SLC25A21: variants seen among roughly 807,000 people sequenced by gnomAD.
SLC25A21 encodes solute carrier family 25 member 21, also known as mitochondrial 2-oxodicarboxylate carrier.
SLC25A21 carries 47 observed loss-of-function variants against 43.8 expected under a neutral mutation model. That is an observed-to-expected ratio of 1.07 (90% CI 0.85 to 1.37). The LOEUF (loss-of-function observed/expected upper bound fraction) is 1.37, where lower values mean the gene tolerates loss of function less well. SLC25A21 is among the 40% of genes most tolerant of loss of function. SLC25A21 has a pLI of 0.00. For synonymous variants in SLC25A21, 131 were observed against 121.3 expected (o/e 1.08, Z -0.52); for missense variants, 352 against 350.2 (o/e 1.00, Z -0.04).
intron 1 of SLC25A21, among the ~76,000 whole-genome samples, chr14:36,918,079 T>C (rs1048945488): frequency 6.6e-6 from 1 of 152,166 alleles, no homozygotes; most frequent in Non-Finnish European, 1.5e-5. Flanking sequence ...ACACTTTATG[T>C]GACTCTGCGA....
intron 1 of SLC25A21, among the ~76,000 whole-genome samples, chr14:37,051,305 T>G (rs1377786459): frequency 6.6e-6 from 1 of 152,148 alleles, no homozygotes; most frequent in Non-Finnish European, 1.5e-5. Context: ...TGTGACAGAC[T>G]AGGGGCTTGG....
intron 1 of SLC25A21, among the ~76,000 whole-genome samples, chr14:37,099,396 A>C (rs1962773364): frequency 6.6e-6 from 1 of 152,134 alleles, no homozygotes; most frequent in African/African-American, 2.4e-5. Flanking sequence ...GCTTCTGAGT[A>C]ATTTGTACTT....
At chr14:37,164,539 G>T (rs1346688328) in intron 1 of SLC25A21, among the ~76,000 whole-genome samples, 1 of 152,088 alleles carries the variant, frequency 6.6e-6, no homozygotes, top group Non-Finnish European at 1.5e-5. Context: ...TTTTGCAAAA[G>T]AATTTTCCTT....
chr14:36,689,864 C>T (rs1180820881), intron 7 of SLC25A21, among the ~76,000 whole-genome samples: 1 of 152,196 alleles, frequency 6.6e-6, no homozygotes, highest in Non-Finnish European at 1.5e-5. Flanking sequence ...ATCATTCACC[C>T]TCTTTGGATC....
intron 3 of SLC25A21, among the ~76,000 whole-genome samples, chr14:36,776,553 C>T (rs1221592896): frequency 6.6e-6 from 1 of 151,922 alleles, no homozygotes; most frequent in East Asian, 1.9e-4. Context: ...CAACTGCTTT[C>T]TTTGTTCCTA....
chr14:37,053,869 C>T (rs1446459882), intron 1 of SLC25A21, among the ~76,000 whole-genome samples: 1 of 152,112 alleles, frequency 6.6e-6, no homozygotes, highest in Non-Finnish European at 1.5e-5. Flanking sequence ...ATAATAGCTG[C>T]AATGGATTAA....
At position 37,033,292 on chromosome 14, in the gene SLC25A21, A is replaced by T. The variant is rs569361459; in HGVS notation, c.70+138989T>A. Among the ~76,000 whole-genome samples the T allele has an allele frequency of 2.0e-5, 3 of 152,320 alleles. No homozygotes were observed. In the South Asian group the frequency reaches 6.2e-4, roughly 32 times the overall value. Reference sequence around the variant, plus strand: ...AATCCATGTTGTAGCACATGACAGGATTTTAATCTTTTTAAAGGCTGAATC... The same window carrying T: ...AATCCATGTTGTAGCACATGACAGGTTTTTAATCTTTTTAAAGGCTGAATC... On this transcript the variant is annotated intron_variant, in intron 1 of 9. Transcript: ENST00000331299.
At chr14:36,974,828 A>G (rs1330240502) in intron 1 of SLC25A21, among the ~76,000 whole-genome samples, 57 of 152,202 alleles carry the variant, frequency 3.7e-4, no homozygotes, top group Admixed American at 3.7e-3. Flanking sequence ...ATAAAACAAG[A>G]AACCAAGTAG....
chr14:36,751,424 A>G (rs1023244830), intron 3 of SLC25A21, among the ~76,000 whole-genome samples: 4 of 152,186 alleles, frequency 2.6e-5, no homozygotes, highest in African/African-American at 9.7e-5. Flanking sequence ...GGTGTTCTGC[A>G]GGTGATTGAT....
chr14:36,857,659 A>G (rs1052171900), intron 2 of SLC25A21, among the ~76,000 whole-genome samples: 3 of 152,216 alleles, frequency 2.0e-5, no homozygotes, highest in African/African-American at 7.2e-5. Flanking sequence ...TGCGTCCTTC[A>G]GGGAATGGTG....
intron 1 of SLC25A21, among the ~76,000 whole-genome samples, chr14:36,938,716 G>C (rs1384801479): frequency 1.3e-5 from 2 of 151,714 alleles, no homozygotes; most frequent in Non-Finnish European, 2.9e-5. Context: ...AAAGAATTTT[G>C]GTTCCTGAAC....
At chr14:36,773,414 A>G (rs1886700571) in intron 3 of SLC25A21, among the ~76,000 whole-genome samples, 1 of 152,082 alleles carries the variant, frequency 6.6e-6, no homozygotes, top group Non-Finnish European at 1.5e-5. Flanking sequence ...ATGGAGAAAG[A>G]CTCTGTGCTT....
At chr14:36,781,698 T>C (rs781734815) in intron 3 of SLC25A21, among the ~76,000 whole-genome samples, 2 of 152,238 alleles carry the variant, frequency 1.3e-5, no homozygotes, top group Non-Finnish European at 2.9e-5. Flanking sequence ...TAATTGTAGT[T>C]ATAATAATTG....
chr14:36,726,684 C>T (rs933319988), intron 5 of SLC25A21, among the ~76,000 whole-genome samples: 4 of 152,074 alleles, frequency 2.6e-5, no homozygotes, highest in African/African-American at 9.7e-5. Flanking sequence ...ATAAGCACAA[C>T]AATTAAAACA....
chr14:36,982,485 A>G (rs1247398417), intron 1 of SLC25A21, among the ~76,000 whole-genome samples: 1 of 152,166 alleles, frequency 6.6e-6, no homozygotes, highest in African/African-American at 2.4e-5. Context: ...AAGCAGTAGA[A>G]TTTTTAACCA....
At chr14:37,055,572 G>A (rs952664584) in intron 1 of SLC25A21, among the ~76,000 whole-genome samples, 3 of 152,076 alleles carry the variant, frequency 2.0e-5, no homozygotes, top group Non-Finnish European at 2.9e-5. Context: ...TCTTTCTGGT[G>A]GGCCTGAGCT....
intron 1 of SLC25A21, among the ~76,000 whole-genome samples, chr14:37,085,912 T>G (rs1425532821): frequency 6.6e-6 from 1 of 152,268 alleles, no homozygotes. Flanking sequence ...GAGACCATCC[T>G]GGCTAACACG....
At chr14:36,776,822 C>T (rs1383017931) in intron 3 of SLC25A21, among the ~76,000 whole-genome samples, 1 of 152,158 alleles carries the variant, frequency 6.6e-6, no homozygotes, top group Non-Finnish European at 1.5e-5. Flanking sequence ...CCCAGCTCCC[C>T]ACCTTCACAT....
intron 1 of SLC25A21, among the ~76,000 whole-genome samples, chr14:36,994,688 T>G (rs1300594115): frequency 2.0e-5 from 3 of 152,124 alleles, no homozygotes; most frequent in African/African-American, 7.2e-5. Context: ...CAATCTGCCC[T>G]TAACTGACCC....
Sources: allele counts gnomAD v4.1 joint callset (sites outside exome capture counted in the v4.1 genomes callset), GRCh38; gene constraint gnomAD v4.1.1; transcripts MANE v1.5; gene names NCBI Gene and HGNC (gene_info 2026-07-23, HGNC 2026-07-21).